Variants in AUTS2 observed in about 807,000 individuals in gnomAD.
AUTS2 encodes the protein autism susceptibility gene 2 protein.
Under a neutral mutation model 112.4 loss-of-function variants are expected in AUTS2, and 17 were observed. The observed-to-expected ratio is 0.15, with a 90% confidence interval of 0.10 to 0.23. The LOEUF is 0.23. AUTS2 is among the 10% of genes least tolerant of loss of function. The pLI is 1.00. For synonymous variants in AUTS2, 751 were observed against 702.7 expected, an observed-to-expected ratio of 1.07 and a Z score of -1.09; for missense variants, 1,510 against 1,701.6, an observed-to-expected ratio of 0.89 and a Z score of 1.98.
At position 70,790,356 on chromosome 7, in the gene AUTS2, C is replaced by T. The variant is rs1166458226; in HGVS notation, c.3140C>T (p.Thr1047Ile). Reference sequence around the variant, plus strand: ...AGCCTGGACAGGACTCGCATGATGACCCCCTTCATGGGCATCAGCCCCCTC... The same window carrying T: ...AGCCTGGACAGGACTCGCATGATGATCCCCTTCATGGGCATCAGCCCCCTC... Reference protein sequence around the residue: ...ISSLDRTRMMTPFMGISPLPG... With the variant: ...ISSLDRTRMMIPFMGISPLPG... Residue 1047 changes from threonine (T) to isoleucine (I), a missense_variant, in exon 19 of 19, where the codon ACC becomes ATC. By Grantham distance (89) the Thr-to-Ile change is moderately conservative. Coordinates refer to ENST00000342771, the MANE Select transcript of AUTS2 (RefSeq NM_015570.4). The surrounding 1 kb of genome is among the most constrained non-coding windows in gnomAD (Gnocchi z 7.6). The T allele has an allele frequency of 1.2e-6, 2 of 1,613,928 alleles. No homozygotes were observed. Among genetic ancestry groups the T allele is most frequent in the East Asian group, 2.2e-5 (1 of 44,860 alleles).
intron 1 of AUTS2, among the ~76,000 whole-genome samples, chr7:69,614,368 T>TTTTCTTTCTTTTCTTTCTTTCTTTTC (rs1793239736): frequency 5.1e-5 from 1 of 19,536 alleles, no homozygotes. Flanking sequence ...TTCTTTCTTT[T>TTTTCTTTCTTTTCTTTCTTTCTTTTC]TTTAAGAGAT....
At chr7:70,360,541 A>G (rs1202476385) in intron 4 of AUTS2, among the ~76,000 whole-genome samples, 2 of 152,210 alleles carry the variant, frequency 1.3e-5, no homozygotes, top group African/African-American at 2.4e-5. Context: ...CTAGAAGACA[A>G]CAATAATACC....
chr7:70,781,319 C>G (rs1283790825), intron 14 of AUTS2, among the ~76,000 whole-genome samples: 1 of 150,052 alleles, frequency 6.7e-6, no homozygotes, highest in Non-Finnish European at 1.5e-5. Context: ...CGAGATCCCA[C>G]CACTGCACTC....
intron 1 of AUTS2, among the ~76,000 whole-genome samples, chr7:69,820,836 C>T (rs1256122509): frequency 1.3e-5 from 2 of 152,092 alleles, no homozygotes; most frequent in Non-Finnish European, 2.9e-5. Flanking sequence ...ACACACACTC[C>T]GGACAAGAAA....
At position 70,043,958 on chromosome 7, in the gene AUTS2, T is replaced by A. The variant is rs183162093; in HGVS notation, c.523-74174T>A. ...TGTATTCTCTTGGTGGTGATATGAG[T>A]TGAAGGGTGGGAGTAGGGGTGGAGA... On this transcript the variant is annotated intron_variant, in intron 2 of 18. Coordinates refer to ENST00000342771, the MANE Select transcript of AUTS2 (RefSeq NM_015570.4). Among the ~76,000 whole-genome samples the A allele has an allele frequency of 1.3e-3, 192 of 152,002 alleles. 2 individuals carry two copies. Among genetic ancestry groups the A allele is most frequent in the Non-Finnish European group, 2.4e-4 (16 of 67,952 alleles).
At chr7:69,913,623 A>G (rs536062652) in intron 2 of AUTS2, among the ~76,000 whole-genome samples, 19 of 152,298 alleles carry the variant, frequency 1.2e-4, no homozygotes, top group Non-Finnish European at 2.8e-4. Flanking sequence ...TCATATTTAT[A>G]GTTTCCATTC....
chr7:69,718,842 G>T (rs984525937), intron 1 of AUTS2, among the ~76,000 whole-genome samples: 1 of 152,114 alleles, frequency 6.6e-6, no homozygotes, highest in Non-Finnish European at 1.5e-5. Context: ...TTAATTCTTT[G>T]CAAAATAAAT....
At chr7:69,969,222 A>C (rs979570051) in intron 2 of AUTS2, among the ~76,000 whole-genome samples, 1 of 152,120 alleles carries the variant, frequency 6.6e-6, no homozygotes, top group African/African-American at 2.4e-5. Flanking sequence ...TAAATAAACT[A>C]ATGTGAAAAG....
At chr7:70,245,401 A>G (rs925783620) in intron 4 of AUTS2, among the ~76,000 whole-genome samples, 41 of 152,182 alleles carry the variant, frequency 2.7e-4, no homozygotes, top group Admixed American at 2.6e-3. Context: ...ATTGTTTCAC[A>G]GTGAACAATT....
chr7:69,821,231 T>C (rs893075878), intron 1 of AUTS2, among the ~76,000 whole-genome samples: 2 of 152,142 alleles, frequency 1.3e-5, no homozygotes, highest in African/African-American at 2.4e-5. Context: ...AATACACATT[T>C]AAGTCCAGTA....
rs1334843236 is a variant in AUTS2, at chr7:70,781,764, T to C, written c.2146+8T>C. ...CTTTGTTCTCTGCCGCTGGTGAGTG[T>C]GGGTTTGGGTGGGGGGACAGAGCTG... On this transcript the variant is annotated splice_region_variant and intron_variant, in intron 15 of 18. Transcript: ENST00000342771. The C allele has an allele frequency of 1.2e-6, 2 of 1,613,290 alleles. No individual in the cohort carries two copies. Among genetic ancestry groups the C allele is most frequent in the South Asian group, 2.2e-5 (2 of 90,924 alleles).
At chr7:70,525,996 T>G (rs890734675) in intron 5 of AUTS2, among the ~76,000 whole-genome samples, 10 of 152,280 alleles carry the variant, frequency 6.6e-5, no homozygotes, top group Admixed American at 4.6e-4. Flanking sequence ...GAGTTTCTAA[T>G]GCATCACCTC....
At chr7:70,157,637 C>T (rs1187319682) in intron 4 of AUTS2, among the ~76,000 whole-genome samples, 1 of 152,140 alleles carries the variant, frequency 6.6e-6, no homozygotes, top group African/African-American at 2.4e-5. Context: ...TCATTCTCTT[C>T]ACCCTTGTTT....
At chr7:70,284,127 T>C (rs1243296217) in intron 4 of AUTS2, among the ~76,000 whole-genome samples, 1 of 152,236 alleles carries the variant, frequency 6.6e-6, no homozygotes, top group Non-Finnish European at 1.5e-5. Context: ...ATAACAATAC[T>C]GGATGTCATA....
chr7:70,616,399 C>T (rs944668060), intron 5 of AUTS2, among the ~76,000 whole-genome samples: 4 of 152,340 alleles, frequency 2.6e-5, no homozygotes, highest in African/African-American at 4.8e-5. Flanking sequence ...AAAGACCCCA[C>T]GCTCTTCTCC....
rs566017772 is a variant in AUTS2 at position 70,773,668 on chromosome 7, G to A, written c.1831-360G>A. Among the ~76,000 whole-genome samples the A allele has an allele frequency of 2.4e-3, 361 of 152,336 alleles. 3 individuals carry two copies. The highest frequency in any genetic ancestry group is 7.4e-3 in the African/African-American group (307 of 41,588). On this transcript the variant is annotated intron_variant, in intron 11 of 18. Coordinates refer to ENST00000342771, the MANE Select transcript of AUTS2 (RefSeq NM_015570.4). ...TGTTCACTTAAGCGTTTCTTGGAAT[G>A]TTTGGTGATTAAGCAAAAAAACAGT...
chr7:69,815,768 C>T (rs1257057327), intron 1 of AUTS2, among the ~76,000 whole-genome samples: 3 of 152,176 alleles, frequency 2.0e-5, no homozygotes, highest in Non-Finnish European at 2.9e-5. Flanking sequence ...CTGCCTTGGC[C>T]TCCCAAAGTG....
chr7:69,931,994 T>TCCTCTCCGAACACACAAACTG (rs1796244859), intron 2 of AUTS2, among the ~76,000 whole-genome samples: 1 of 152,184 alleles, frequency 6.6e-6, no homozygotes, highest in Non-Finnish European at 1.5e-5. Flanking sequence ...AAAATATGTT[T>TCCTCTCCGAACACACAAACTG]CCTCTCCGAA....
At chr7:69,955,924 T>A (rs1797193157) in intron 2 of AUTS2, among the ~76,000 whole-genome samples, 1 of 152,174 alleles carries the variant, frequency 6.6e-6, no homozygotes, top group African/African-American at 2.4e-5. Flanking sequence ...ATAATACCTA[T>A]ATGTGACGTA....
Sources: allele counts gnomAD v4.1 joint callset (sites outside exome capture counted in the v4.1 genomes callset), GRCh38; gene constraint gnomAD v4.1.1; non-coding constraint Gnocchi (gnomAD v3.1); transcripts MANE v1.5; gene names NCBI Gene and HGNC (gene_info 2026-07-23, HGNC 2026-07-21).